PLA2R1: variants seen among roughly 807,000 people sequenced by gnomAD.
PLA2R1 encodes the protein secretory phospholipase A2 receptor.
PLA2R1 carries 158 observed loss-of-function variants against 195.9 expected under a neutral mutation model. That is an observed-to-expected ratio of 0.81 (90% CI 0.71 to 0.92). The LOEUF is 0.92. Ranked by LOEUF, PLA2R1 falls within the 40% of genes least tolerant of loss-of-function variation. PLA2R1 has a pLI of 0.00. For synonymous variants in PLA2R1, 586 were observed against 598.2 expected (o/e 0.98, Z 0.30); for missense variants, 1,626 against 1,764.6 (o/e 0.92, Z 1.41).
At chr2:159,951,883 T>G (rs1358156181) in intron 23 of PLA2R1, among the ~76,000 whole-genome samples, 1 of 152,222 alleles carries the variant, frequency 6.6e-6, no homozygotes, top group Non-Finnish European at 1.5e-5. Flanking sequence ...GATGGTGATC[T>G]TCTTAGGTGG....
rs1371582926 is a variant in PLA2R1, at chr2:159,956,644, A to G, written c.2905-17T>C. ...CAGAAGGCACTATCAAAAAATGTCAAAACAAAACATTCATTTCTGTATCTT... is the reference window on the plus strand; with the variant it reads ...CAGAAGGCACTATCAAAAAATGTCAGAACAAAACATTCATTTCTGTATCTT... On this transcript the variant is annotated splice_polypyrimidine_tract_variant and intron_variant, in intron 20 of 29. Coordinates refer to ENST00000283243, the MANE Select transcript of PLA2R1 (RefSeq NM_007366.5). 1.5e-5 allele frequency: 21 copies of G among 1,372,554 alleles called. No homozygotes were observed. Among genetic ancestry groups the G allele is most frequent in the Non-Finnish European group, 2.0e-5 (19 of 959,508 alleles). 85.0% of individuals were successfully genotyped at this position (1,372,554 alleles called of 1,614,324 possible). A position where few individuals can be genotyped will look rare whatever the true frequency, so the allele number is the denominator to read the frequency against.
intron 14 of PLA2R1, among the ~76,000 whole-genome samples, chr2:159,978,219 T>C (rs1689706713): frequency 6.6e-6 from 1 of 152,166 alleles, no homozygotes; most frequent in South Asian, 2.1e-4. Flanking sequence ...TTTCCATGAG[T>C]GACCACATAA....
intron 4 of PLA2R1, among the ~76,000 whole-genome samples, chr2:160,031,794 G>T (rs941997058): frequency 3.9e-5 from 6 of 151,946 alleles, no homozygotes; most frequent in African/African-American, 1.5e-4. Flanking sequence ...TGATATGAAG[G>T]CTCGTTCTGC....
rs547693466 is a variant in PLA2R1, at chr2:159,994,820, C to T, written c.1835-7462G>A. Among the ~76,000 whole-genome samples, 15 of 152,002 alleles carry T rather than the reference C, an allele frequency of 9.9e-5. No homozygotes were observed. In the South Asian group the frequency reaches 2.5e-3, roughly 25 times the overall value. ...AAAATGGCGGAAAGGTGATTCCCTT[C>T]TGATTTGCTTTTATGCTAGTGAAAT... On this transcript the variant is annotated intron_variant, in intron 11 of 29. Coordinates refer to ENST00000283243, the MANE Select transcript of PLA2R1 (RefSeq NM_007366.5).
intron 6 of PLA2R1, 56 bp downstream of exon 6, chr2:160,028,162 A>G (rs1332602174): frequency 8.6e-7 from 1 of 1,164,500 alleles, no homozygotes; most frequent in African/African-American, 1.6e-5. Flanking sequence ...AAATTTACAT[A>G]TATTGAGAGG....
chr2:160,022,851 C>T lies in PLA2R1; in HGVS notation c.1108G>A (p.Ala370Thr). 1.9e-6 allele frequency: 3 copies of T among 1,583,822 alleles called. No homozygotes were observed. Among genetic ancestry groups the T allele is most frequent in the Non-Finnish European group, 2.6e-6 (3 of 1,164,994 alleles). Residue 370 changes from alanine (A) to threonine (T), a missense_variant, in exon 7 of 30, where the codon GCG becomes ACG. Physicochemically the swap from Ala to Thr is moderately conservative, Grantham distance 58. Coordinates refer to ENST00000283243, the MANE Select transcript of PLA2R1 (RefSeq NM_007366.5). ...HIDHEIVEKD[A>T]WKYYATHCEP... Reference sequence around the variant, plus strand: ...CAGTGGGTAGCATAATATTTCCACGCATCTTTTTCTTTTTAAACCAACAAA... The same window carrying T: ...CAGTGGGTAGCATAATATTTCCACGTATCTTTTTCTTTTTAAACCAACAAA...
intron 4 of PLA2R1, among the ~76,000 whole-genome samples, chr2:160,030,386 T>C (rs1413053601): frequency 6.6e-6 from 1 of 152,218 alleles, no homozygotes; most frequent in Non-Finnish European, 1.5e-5. Context: ...TAGCAGGTCT[T>C]ATGATGATAA....
At chr2:159,966,338 C>T (rs1203867991) in intron 20 of PLA2R1, among the ~76,000 whole-genome samples, 1 of 152,096 alleles carries the variant, frequency 6.6e-6, no homozygotes, top group Non-Finnish European at 1.5e-5. Flanking sequence ...CTAAATTAGT[C>T]AATTTCAAAG....
At chr2:159,964,020 T>A (rs2105208261) in intron 20 of PLA2R1, among the ~76,000 whole-genome samples, 1 of 151,502 alleles carries the variant, frequency 6.6e-6, no homozygotes, top group East Asian at 1.9e-4. Flanking sequence ...TATGCAATAT[T>A]CACACACACA....
chr2:160,026,676 A>G (rs1693543601), intron 6 of PLA2R1, among the ~76,000 whole-genome samples: 1 of 152,216 alleles, frequency 6.6e-6, no homozygotes, highest in Non-Finnish European at 1.5e-5. Context: ...ATCTAGTTAA[A>G]CTAAATATGA....
At chr2:159,944,477 A>G (rs148887285) in intron 28 of PLA2R1, among the ~76,000 whole-genome samples, 2 of 152,350 alleles carry the variant, frequency 1.3e-5, no homozygotes, top group East Asian at 1.9e-4. Context: ...ATGACACATT[A>G]TGCTTGCAAC....
intron 26 of PLA2R1, among the ~76,000 whole-genome samples, 198 bp from the exon 27 acceptor site, chr2:159,947,115 A>G (rs1360273679): frequency 6.6e-6 from 1 of 152,254 alleles, no homozygotes; most frequent in African/African-American, 2.4e-5. Flanking sequence ...GTTAAGGCAT[A>G]GAATATTAAT....
rs536357201 is a variant in PLA2R1, at chr2:159,958,866, C to A, written c.2905-2239G>T. ...TCAGTCTTTCAAAAGAAAGAATTAT[C>A]TGACCCCAAATGTCAATAGTGTAAG... is the stretch of plus-strand genomic sequence containing the variant. On this transcript the variant is annotated intron_variant, in intron 20 of 29. Transcript: ENST00000283243. 2.0e-5 allele frequency among the ~76,000 whole-genome samples: 3 copies of A among 152,288 alleles called. No homozygotes were observed. The South Asian group carries it at 6.2e-4, about 32-fold the overall frequency.
rs139879340 is a variant in PLA2R1, at chr2:160,044,936, C to T, written c.331G>A (p.Val111Ile). ...CTGTTACAGCGCCACCGTAAGGAAA[C>T]GAGGGTGGAGTCACATTCATATAAG... Reference protein sequence around the residue: ...LSLYECDSTLVSLRWRCNRKM... With the variant: ...LSLYECDSTLISLRWRCNRKM... Residue 111 changes from valine (V) to isoleucine (I), a missense_variant, in exon 2 of 30, where the codon GTT becomes ATT. By Grantham distance (29) the Val-to-Ile change is conservative. Transcript: ENST00000283243. 17 of 1,613,990 alleles carry T rather than the reference C, an allele frequency of 1.1e-5. No homozygotes were observed. Among genetic ancestry groups the T allele is most frequent in the African/African-American group, 5.3e-5 (4 of 74,892 alleles).
At chr2:159,985,831 T>G (rs1470405826) in intron 12 of PLA2R1, among the ~76,000 whole-genome samples, 1 of 152,192 alleles carries the variant, frequency 6.6e-6, no homozygotes, top group Non-Finnish European at 1.5e-5. Flanking sequence ...TGACCCTTGC[T>G]GACCCAGCTC....
chr2:159,946,899 A>G lies in PLA2R1; in HGVS notation c.3869T>C (p.Ile1290Thr). 3 of 1,607,496 alleles carry G rather than the reference A, an allele frequency of 1.9e-6. No individual in the cohort carries two copies. In the South Asian group the frequency reaches 3.3e-5, roughly 18 times the overall value. ...AAATGCATTTTCAGCCTCATCCTTG[A>G]TTGTTAAAAGATTAGAACCTATAAG... ...CKKEGSNLLT[I>T]KDEAENAFLL... Residue 1290 changes from isoleucine to threonine, a missense_variant, in exon 27 of 30, where the codon ATC (isoleucine) becomes ACC (threonine). Ile to Thr is a moderately conservative substitution (Grantham distance 89). Coordinates refer to ENST00000283243, the MANE Select transcript of PLA2R1 (RefSeq NM_007366.5).
chr2:159,925,720 A>G, the PLA2R1 span, among the ~76,000 whole-genome samples: 1 of 152,204 alleles, frequency 6.6e-6, no homozygotes, highest in Non-Finnish European at 1.5e-5. Context: ...AATTTGGGGC[A>G]AATTCCTGAC....
intron 10 of PLA2R1, among the ~76,000 whole-genome samples, chr2:160,009,438 C>T (rs1681278080): frequency 1.3e-5 from 2 of 152,108 alleles, no homozygotes; most frequent in African/African-American, 4.8e-5. Flanking sequence ...AAACCAGACA[C>T]AGAAAAACAT....
chr2:159,942,256 C>T, intron 28 of PLA2R1, 97 bp from the exon 29 acceptor site: 1 of 853,748 alleles, frequency 1.2e-6, no homozygotes, highest in Non-Finnish European at 1.9e-6. Flanking sequence ...TGGCCCATGA[C>T]CCTATTTTTA....
Sources: gnomAD v4.1 joint callset for allele counts (sites outside exome capture counted in the v4.1 genomes callset) on GRCh38, gnomAD v4.1.1 for gene constraint, MANE v1.5 for transcripts, NCBI Gene and HGNC (gene_info 2026-07-23, HGNC 2026-07-21) for gene names.